The following CFAP299 variants were observed in gnomAD, a reference collection of about 807,000 sequenced individuals.
CFAP299 encodes cilia- and flagella-associated protein 299.
A neutral mutation model predicts 27.0 loss-of-function variants in CFAP299; 21 were observed. The ratio of observed to expected loss-of-function variants is 0.78; its 90% CI spans 0.55 to 1.12. The LOEUF (loss-of-function observed/expected upper bound fraction) is 1.12, where lower values mean the gene tolerates loss of function less well. Among genes scored for constraint, CFAP299 ranks in the 50% most tolerant of loss-of-function variants. The probability of loss-of-function intolerance (pLI) is 0.00; values close to 1 mark genes in which losing one functional copy is unlikely to be tolerated. For synonymous variants in CFAP299, 104 were observed against 98.1 expected, an observed-to-expected ratio of 1.06 and a Z score of -0.36; for missense variants, 310 against 276.6, an observed-to-expected ratio of 1.12 and a Z score of -0.86.
chr4:80,557,688 C>T (rs181086347), intron 2 of CFAP299, among the ~76,000 whole-genome samples: 3 of 152,108 alleles, frequency 2.0e-5, no homozygotes, highest in East Asian at 1.9e-4. Context: ...ACTAACTTTA[C>T]GTAATCTCCA....
chr4:80,399,454 A>G (rs901401522), intron 2 of CFAP299, among the ~76,000 whole-genome samples: 1 of 152,130 alleles, frequency 6.6e-6, no homozygotes, highest in African/African-American at 2.4e-5. Context: ...ATGTCCATCA[A>G]TGATAGACTG....
At position 80,365,382 on chromosome 4, in the gene CFAP299, A is replaced by G. The variant is rs1210882090; in HGVS notation, c.242+2498A>G. 3.3e-5 allele frequency among the ~76,000 whole-genome samples: 5 copies of G among 152,138 alleles called. No homozygotes were observed. In the East Asian group the frequency reaches 9.6e-4, roughly 29 times the overall value. On this transcript the variant is annotated intron_variant, in intron 2 of 5. Coordinates refer to ENST00000358105, the MANE Select transcript of CFAP299 (RefSeq NM_152770.3). ...TTTTTCTTATATGTTTGTTGGCCGC[A>G]TGTATGTCTTCTTTTGAAAAGTGTC...
At chr4:80,607,201 T>C (rs1418619171) in intron 3 of CFAP299, among the ~76,000 whole-genome samples, 3 of 152,144 alleles carry the variant, frequency 2.0e-5, no homozygotes, top group Non-Finnish European at 4.4e-5. Context: ...AGGAAGAGTA[T>C]AGCAAATAGA....
At chr4:80,522,130 A>G (rs1348672725) in intron 2 of CFAP299, among the ~76,000 whole-genome samples, 2 of 151,786 alleles carry the variant, frequency 1.3e-5, no homozygotes, top group African/African-American at 4.8e-5. Context: ...ACTAACACTT[A>G]TTACTTTCTG....
chr4:80,446,272 C>T (rs878930179), intron 2 of CFAP299, among the ~76,000 whole-genome samples: 1 of 152,122 alleles, frequency 6.6e-6, no homozygotes, highest in African/African-American at 2.4e-5. Context: ...AAAGTGGCAG[C>T]ACTTTTTATT....
chr4:80,908,011 G>A lies in CFAP299; in HGVS notation c.477-36799G>A, dbSNP rs185192082. Among the ~76,000 whole-genome samples the A allele has an allele frequency of 1.8e-3, 281 of 152,306 alleles. 2 individuals are homozygous for A. Among genetic ancestry groups the A allele is most frequent in the Admixed American group, 0.013 (193 of 15,288 alleles). ...TTTGCATGCAGAGTTTCACTGTGGC[G>A]AAGGGCTCGTCCATAACATTTTTCA... is the stretch of plus-strand genomic sequence containing the variant. On this transcript the variant is annotated intron_variant, in intron 4 of 5. Coordinates refer to ENST00000358105, the MANE Select transcript of CFAP299 (RefSeq NM_152770.3).
chr4:80,564,925 T>C (rs1735207813), intron 2 of CFAP299, among the ~76,000 whole-genome samples: 1 of 151,958 alleles, frequency 6.6e-6, no homozygotes, highest in African/African-American at 2.4e-5. Context: ...CATATAAAAT[T>C]AAATACCTAG....
At chr4:80,400,494 T>A (rs1726093282) in intron 2 of CFAP299, among the ~76,000 whole-genome samples, 1 of 151,048 alleles carries the variant, frequency 6.6e-6, no homozygotes, top group Non-Finnish European at 1.5e-5. Flanking sequence ...AGTGAATAAG[T>A]CTCACGAGAT....
intron 3 of CFAP299, among the ~76,000 whole-genome samples, chr4:80,724,684 G>A (rs930381540): frequency 3.3e-5 from 5 of 151,368 alleles, no homozygotes; most frequent in East Asian, 3.9e-4. Flanking sequence ...CTGCACCCTC[G>A]GAAAGTCACT....
chr4:80,671,511 T>G (rs1333630360), intron 3 of CFAP299, among the ~76,000 whole-genome samples: 1 of 152,150 alleles, frequency 6.6e-6, no homozygotes, highest in Non-Finnish European at 1.5e-5. Context: ...TTTAAAGTAG[T>G]TTTTTTCCAG....
At chr4:80,632,473 G>A (rs370298898) in intron 3 of CFAP299, among the ~76,000 whole-genome samples, 13 of 151,978 alleles carry the variant, frequency 8.6e-5, no homozygotes, top group Admixed American at 1.3e-4. Flanking sequence ...TATATGCCAG[G>A]CAAGTGCTAG....
chr4:80,512,909 TA>T (rs1732390641), intron 2 of CFAP299, among the ~76,000 whole-genome samples: 1 of 152,148 alleles, frequency 6.6e-6, no homozygotes, highest in Non-Finnish European at 1.5e-5. Flanking sequence ...TGATAATGAT[TA>T]AAATAAATTA....
chr4:80,792,485 C>T lies in CFAP299; in HGVS notation c.334-77508C>T, dbSNP rs956650027. On this transcript the variant is annotated intron_variant, in intron 3 of 5. Coordinates refer to ENST00000358105, the MANE Select transcript of CFAP299 (RefSeq NM_152770.3). Reference sequence around the variant, plus strand: ...GAGAAGGAAGAAATACATTAGAACTCAAAACACTGAGTGAAATCATAGTGT... The same window carrying T: ...GAGAAGGAAGAAATACATTAGAACTTAAAACACTGAGTGAAATCATAGTGT... 4.6e-5 allele frequency among the ~76,000 whole-genome samples: 7 copies of T among 152,162 alleles called. No homozygotes were observed. In the South Asian group the frequency reaches 1.5e-3, roughly 32 times the overall value.
At chr4:80,769,463 C>T (rs768827240) in intron 3 of CFAP299, among the ~76,000 whole-genome samples, 2 of 151,910 alleles carry the variant, frequency 1.3e-5, no homozygotes, top group Non-Finnish European at 2.9e-5. Flanking sequence ...GGTGTGATCT[C>T]GACTCACTGC....
intron 3 of CFAP299, among the ~76,000 whole-genome samples, chr4:80,604,214 G>C (rs534965697): frequency 6.6e-6 from 1 of 152,090 alleles, no homozygotes; most frequent in Non-Finnish European, 1.5e-5. Context: ...GCTGGATTTC[G>C]GGGAGAGGAA....
chr4:80,892,201 C>T (rs1045264941), intron 4 of CFAP299, among the ~76,000 whole-genome samples: 9 of 152,028 alleles, frequency 5.9e-5, no homozygotes, highest in Non-Finnish European at 1.2e-4. Flanking sequence ...GGAGACAAAT[C>T]CCCACACCTA....
intron 2 of CFAP299, among the ~76,000 whole-genome samples, chr4:80,391,459 T>C (rs148049971): frequency 6.6e-6 from 1 of 152,324 alleles, no homozygotes; most frequent in East Asian, 1.9e-4. Context: ...TTGCTTTCCC[T>C]GATGACTAGT....
chr4:80,756,581 A>T (rs1725251381), intron 3 of CFAP299, among the ~76,000 whole-genome samples: 3 of 152,248 alleles, frequency 2.0e-5, no homozygotes, highest in African/African-American at 7.2e-5. Flanking sequence ...AAAACAAAAG[A>T]ATAACAATAT....
intron 3 of CFAP299, among the ~76,000 whole-genome samples, chr4:80,771,345 A>G (rs1726203598): frequency 2.6e-5 from 4 of 152,212 alleles, no homozygotes; most frequent in Admixed American, 6.5e-5. Context: ...AGATAAATCC[A>G]TATTTGCTCA....
Sources: allele counts gnomAD v4.1 joint callset (sites outside exome capture counted in the v4.1 genomes callset), GRCh38; gene constraint gnomAD v4.1.1; transcripts MANE v1.5; gene names NCBI Gene and HGNC (gene_info 2026-07-23, HGNC 2026-07-21).